Variants in FAM174A observed in about 807,000 individuals in gnomAD.
FAM174A encodes the protein family with sequence similarity 174 member A, also known as membrane protein FAM174A.
A neutral mutation model predicts 14.3 loss-of-function variants in FAM174A; 14 were observed. The ratio of observed to expected loss-of-function variants is 0.98; its 90% confidence interval spans 0.65 to 1.53. The LOEUF (loss-of-function observed/expected upper bound fraction) is 1.53. Ranked by LOEUF, FAM174A falls within the 40% of genes most tolerant of loss-of-function variation. The pLI is 0.00. For synonymous variants in FAM174A, 108 were observed against 111.4 expected (o/e 0.97, Z 0.19); for missense variants, 241 against 249.6 (o/e 0.97, Z 0.23).
At chr5:100,572,022 A>T (rs1005824284) in intron 2 of FAM174A, among the ~76,000 whole-genome samples, 34 of 151,990 alleles carry the variant, frequency 2.2e-4, no homozygotes, top group Non-Finnish European at 4.4e-4. Context: ...AACTGAAAAG[A>T]TGATTCCCTT....
chr5:100,555,917 C>A (rs1329374502), intron 1 of FAM174A, among the ~76,000 whole-genome samples: 2 of 151,384 alleles, frequency 1.3e-5, no homozygotes, highest in African/African-American at 4.9e-5. Flanking sequence ...ATGGTAGTTT[C>A]TTTTGCTGTG....
intron 2 of FAM174A, among the ~76,000 whole-genome samples, chr5:100,562,645 T>C (rs1435359813): frequency 1.3e-5 from 2 of 151,510 alleles, no homozygotes; most frequent in African/African-American, 4.8e-5. Flanking sequence ...AGAGAAATAC[T>C]TATTAAATTT....
chr5:100,554,762 G>A (rs1746334727), intron 1 of FAM174A, among the ~76,000 whole-genome samples: 1 of 152,126 alleles, frequency 6.6e-6, no homozygotes, highest in Non-Finnish European at 1.5e-5. Context: ...CTAAAGCTAA[G>A]AATGGTTTAT....
At chr5:100,548,223 AG>A (rs1746198708) in intron 1 of FAM174A, among the ~76,000 whole-genome samples, 1 of 152,056 alleles carries the variant, frequency 6.6e-6, no homozygotes, top group East Asian at 1.9e-4. Flanking sequence ...TGTACTCCTT[AG>A]GGCTGGGCTC....
intron 2 of FAM174A, among the ~76,000 whole-genome samples, chr5:100,562,848 A>C (rs1157408415): frequency 1.3e-5 from 2 of 151,830 alleles, no homozygotes; most frequent in Non-Finnish European, 2.9e-5. Flanking sequence ...AAATGACATG[A>C]GTATAGAATA....
intron 1 of FAM174A, among the ~76,000 whole-genome samples, chr5:100,554,006 T>G (rs1746313637): frequency 6.6e-6 from 1 of 152,138 alleles, no homozygotes; most frequent in South Asian, 2.1e-4. Context: ...GTTAACATAT[T>G]GACTATTTGA....
intron 1 of FAM174A, among the ~76,000 whole-genome samples, chr5:100,554,286 A>G: frequency 6.6e-6 from 1 of 151,136 alleles, no homozygotes; most frequent in Non-Finnish European, 1.5e-5. Flanking sequence ...CCAATAGTAA[A>G]CTAACTTCCC....
intron 2 of FAM174A, among the ~76,000 whole-genome samples, chr5:100,580,415 A>G (rs1223185295): frequency 1.3e-5 from 2 of 152,238 alleles, no homozygotes; most frequent in East Asian, 3.8e-4. Flanking sequence ...AGGTCCCACA[A>G]TAAGCCATGT....
chr5:100,549,025 T>C (rs1434923925), intron 1 of FAM174A, among the ~76,000 whole-genome samples: 1 of 152,124 alleles, frequency 6.6e-6, no homozygotes, highest in Non-Finnish European at 1.5e-5. Context: ...TCTGTATTTA[T>C]ATATACGTAT....
intron 1 of FAM174A, among the ~76,000 whole-genome samples, chr5:100,539,334 C>G (rs1010017510): frequency 1.3e-5 from 2 of 151,994 alleles, no homozygotes; most frequent in East Asian, 3.9e-4. Flanking sequence ...TAGATAAGTA[C>G]ATAAAGGATG....
intron 1 of FAM174A, among the ~76,000 whole-genome samples, chr5:100,538,323 T>G (rs551523448): frequency 6.6e-6 from 1 of 152,242 alleles, no homozygotes; most frequent in East Asian, 1.9e-4. Flanking sequence ...TTTTCTTAAC[T>G]GATTTGAGGT....
chr5:100,571,144 A>G (rs868475046), intron 2 of FAM174A, among the ~76,000 whole-genome samples: 3 of 122,980 alleles, frequency 2.4e-5, no homozygotes, highest in Non-Finnish European at 3.5e-5. Flanking sequence ...ATACATATAT[A>G]TGTGTGTGTA....
chr5:100,546,483 G>A (rs906542907), intron 1 of FAM174A, among the ~76,000 whole-genome samples: 7 of 152,092 alleles, frequency 4.6e-5, no homozygotes, highest in African/African-American at 1.4e-4. Flanking sequence ...GAGTGCCCAA[G>A]CTCCTGAAGA....
In FAM174A at chr5:100,549,188, G is replaced by C. The variant is rs116242263; in HGVS notation, c.435-12866G>C. Among the ~76,000 whole-genome samples, 778 of 152,200 alleles carry C rather than the reference G, an allele frequency of 5.1e-3. 9 individuals carry two copies. The highest frequency in any genetic ancestry group is 0.017 in the African/African-American group (722 of 41,542). On this transcript the variant is annotated intron_variant, in intron 1 of 2. Coordinates refer to ENST00000312637, the MANE Select transcript of FAM174A (RefSeq NM_198507.3). The stretch of plus-strand genomic sequence containing the variant: ...AAAGGGTTGGTCATAGAACCAGTGA[G>C]AGGCTACAAAGGATGAATCTTGGGG...
chr5:100,539,084 T>A (rs563833428), intron 1 of FAM174A, among the ~76,000 whole-genome samples: 185 of 152,192 alleles, frequency 1.2e-3, no homozygotes, highest in Non-Finnish European at 2.1e-3. Flanking sequence ...CTACTTTTTT[T>A]AAAAAAAATC....
intron 2 of FAM174A, among the ~76,000 whole-genome samples, chr5:100,564,351 A>G (rs534977205): frequency 2.0e-5 from 3 of 151,776 alleles, no homozygotes; most frequent in Non-Finnish European, 4.4e-5. Flanking sequence ...AAAAAATGGC[A>G]TAACAAAACT....
intron 1 of FAM174A, among the ~76,000 whole-genome samples, chr5:100,559,962 T>C (rs548468165): frequency 6.6e-6 from 1 of 152,258 alleles, no homozygotes; most frequent in South Asian, 2.1e-4. Context: ...AAAGTCATTC[T>C]CCTTCCAGCT....
intron 2 of FAM174A, 22 bp from the exon 3 acceptor site, chr5:100,586,159 T>G (rs71652147): frequency 7.8e-7 from 1 of 1,283,642 alleles, no homozygotes; most frequent in Non-Finnish European, 1.1e-6. Flanking sequence ...ATATTTATGG[T>G]ATTTTTTTCT....
intron 1 of FAM174A, among the ~76,000 whole-genome samples, chr5:100,546,842 G>A (rs1029818221): frequency 1.3e-5 from 2 of 151,956 alleles, no homozygotes; most frequent in Non-Finnish European, 2.9e-5. Context: ...TCTCACTGTC[G>A]ACTGCTTACT....
Sources: allele counts gnomAD v4.1 joint callset (sites outside exome capture counted in the v4.1 genomes callset), GRCh38; gene constraint gnomAD v4.1.1; transcripts MANE v1.5; gene names NCBI Gene and HGNC (gene_info 2026-07-23, HGNC 2026-07-21).